PTPRM: variants seen among roughly 807,000 people sequenced by gnomAD.
The protein encoded by PTPRM is protein tyrosine phosphatase receptor type M, also known as receptor-type tyrosine-protein phosphatase mu.
A neutral mutation model predicts 186.7 loss-of-function variants in PTPRM; 47 were observed. That is an observed-to-expected ratio of 0.25 (90% CI 0.20 to 0.32). PTPRM has a LOEUF of 0.32. PTPRM is among the 10% of genes least tolerant of loss of function. PTPRM has a pLI of 1.00. For missense variants in PTPRM, 1,494 were observed against 1,865.0 expected, an observed-to-expected ratio of 0.80 and a Z score of 3.66; for synonymous variants, 668 against 674.9, an observed-to-expected ratio of 0.99 and a Z score of 0.16.
intron 5 of PTPRM, among the ~76,000 whole-genome samples, chr18:7,948,868 T>C (rs1001252553): frequency 3.3e-5 from 5 of 152,216 alleles, no homozygotes; most frequent in African/African-American, 7.2e-5. Flanking sequence ...ATGTGGATAG[T>C]TTGAAAACAA....
chr18:7,738,374 G>C (rs1367050770), intron 1 of PTPRM, among the ~76,000 whole-genome samples: 1 of 152,144 alleles, frequency 6.6e-6, no homozygotes, highest in Admixed American at 6.5e-5. Flanking sequence ...GTGGAGGCCA[G>C]TTGGCGAGAG....
At chr18:8,333,740 A>T (rs142514459) in intron 22 of PTPRM, among the ~76,000 whole-genome samples, 101 of 152,254 alleles carry the variant, frequency 6.6e-4, no homozygotes, top group African/African-American at 2.2e-3. Context: ...TTCATTGCTG[A>T]TGGAGGGAAC....
rs2036580767 is a variant in PTPRM at position 7,572,187 on chromosome 18, G to A, written c.73+4296G>A. ...AAAATTATAGGTTTTAGTCTCTCAT[G>A]TTTTCAAAGGGTTATTTTTACAGAT... On this transcript the variant is annotated intron_variant, in intron 1 of 32. Transcript: ENST00000580170. Among the ~76,000 whole-genome samples the A allele has an allele frequency of 2.6e-5, 4 of 152,082 alleles. No homozygotes were observed. The South Asian group carries it at 8.3e-4, about 31-fold the overall frequency.
intron 1 of PTPRM, among the ~76,000 whole-genome samples, chr18:7,709,659 C>T (rs1223533012): frequency 2.6e-5 from 4 of 151,846 alleles, no homozygotes; most frequent in East Asian, 1.9e-4. Flanking sequence ...ATATCATTAG[C>T]GAGATTAACC....
chr18:8,190,285 A>G (rs1045737300), intron 14 of PTPRM, among the ~76,000 whole-genome samples: 1 of 152,144 alleles, frequency 6.6e-6, no homozygotes, highest in Admixed American at 6.5e-5. Context: ...CCCTCCCCAC[A>G]CAGCCTCTGG....
intron 1 of PTPRM, among the ~76,000 whole-genome samples, chr18:7,656,982 G>T (rs1026929818): frequency 6.6e-6 from 1 of 151,964 alleles, no homozygotes; most frequent in African/African-American, 2.4e-5. Context: ...GGAAGCAGAG[G>T]TATCTCCATT....
At chr18:8,375,945 T>C (rs2095692057) in intron 24 of PTPRM, 101 bp from the exon 25 acceptor site, 1 of 1,311,910 alleles carries the variant, frequency 7.6e-7, no homozygotes, top group South Asian at 1.3e-5. Context: ...GGCCCTAGAC[T>C]TGCTACCTGG....
At chr18:8,148,406 T>A (rs998896161) in intron 14 of PTPRM, among the ~76,000 whole-genome samples, 2 of 152,248 alleles carry the variant, frequency 1.3e-5, no homozygotes, top group South Asian at 4.1e-4. Flanking sequence ...AATTTATTCA[T>A]TTCTTCTAGA....
intron 1 of PTPRM, among the ~76,000 whole-genome samples, chr18:7,623,468 A>G (rs2143997242): frequency 6.6e-6 from 1 of 152,290 alleles, no homozygotes; most frequent in Admixed American, 6.5e-5. Flanking sequence ...GAATACAGCT[A>G]TATAGGCAGT....
At chr18:8,161,625 A>G (rs922700227) in intron 14 of PTPRM, among the ~76,000 whole-genome samples, 1 of 152,150 alleles carries the variant, frequency 6.6e-6, no homozygotes, top group Admixed American at 6.5e-5. Flanking sequence ...AGTCACCCGC[A>G]TGTGATTCTT....
At chr18:7,847,677 C>G (rs1233527712) in intron 2 of PTPRM, among the ~76,000 whole-genome samples, 1 of 152,190 alleles carries the variant, frequency 6.6e-6, no homozygotes, top group African/African-American at 2.4e-5. Context: ...CAGGCTCAAG[C>G]TTATCCCCCT....
At chr18:8,064,909 C>T (rs1229680667) in intron 7 of PTPRM, among the ~76,000 whole-genome samples, 1 of 152,136 alleles carries the variant, frequency 6.6e-6, no homozygotes, top group African/African-American at 2.4e-5. Flanking sequence ...ATTATTTTGT[C>T]ACCCTCTAGT....
At chr18:8,375,233 C>T (rs1210716016) in intron 24 of PTPRM, among the ~76,000 whole-genome samples, 7 of 152,222 alleles carry the variant, frequency 4.6e-5, no homozygotes, top group African/African-American at 4.8e-5. Context: ...AGCTCCCCTT[C>T]GATTTACTGA....
chr18:8,352,434 C>A (rs2095539192), intron 23 of PTPRM, among the ~76,000 whole-genome samples: 1 of 151,824 alleles, frequency 6.6e-6, no homozygotes, highest in African/African-American at 2.4e-5. Context: ...AAACCCTTTC[C>A]CTCCTTCCTC....
intron 11 of PTPRM, among the ~76,000 whole-genome samples, chr18:8,102,419 G>A (rs188603090): frequency 9.5e-4 from 145 of 152,314 alleles, no homozygotes; most frequent in African/African-American, 3.0e-3. Flanking sequence ...TTGTCAGTGC[G>A]TTATCAACTA....
chr18:7,568,884 G>A lies in PTPRM; in HGVS notation c.73+993G>A, dbSNP rs1300851892. The stretch of plus-strand genomic sequence containing the variant: ...GACCTTTATTACCTGGGTGACACAG[G>A]TGGATAGACGGCAAATGCTGGCCCA... On this transcript the variant is annotated intron_variant, in intron 1 of 32. Transcript: ENST00000580170. This position sits in a 1 kb window ranked among gnomAD's most constrained non-coding sequence, Gnocchi z 5.1. Among the ~76,000 whole-genome samples the A allele has an allele frequency of 5.3e-5, 8 of 152,178 alleles. No individual in the cohort carries two copies. Among genetic ancestry groups the A allele is most frequent in the African/African-American group, 1.9e-4 (8 of 41,450 alleles).
chr18:7,611,617 A>C (rs573252340), intron 1 of PTPRM, among the ~76,000 whole-genome samples: 1 of 152,112 alleles, frequency 6.6e-6, no homozygotes, highest in South Asian at 2.1e-4. Flanking sequence ...TCCCCACCCA[A>C]ATCTCATCTT....
chr18:8,274,064 T>C (rs1012729753), intron 19 of PTPRM, among the ~76,000 whole-genome samples: 12 of 152,196 alleles, frequency 7.9e-5, no homozygotes, highest in African/African-American at 2.2e-4. Flanking sequence ...CTTCTCCCAA[T>C]AGATGGAGCA....
intron 1 of PTPRM, among the ~76,000 whole-genome samples, chr18:7,696,531 AATGTACCATATAAG>A (rs2039847867): frequency 6.6e-6 from 1 of 152,316 alleles, no homozygotes; most frequent in African/African-American, 2.4e-5. Context: ...TAGAGGTGCA[AATGTACCATATAAG>A]AATTATTTGA....
Sources: allele counts gnomAD v4.1 joint callset (sites outside exome capture counted in the v4.1 genomes callset), GRCh38; gene constraint gnomAD v4.1.1; non-coding constraint Gnocchi (gnomAD v3.1); transcripts MANE v1.5; gene names NCBI Gene and HGNC (gene_info 2026-07-23, HGNC 2026-07-21).